The following RAB9A variants were observed in gnomAD, a reference collection of about 807,000 sequenced individuals.
RAB9A encodes the protein RAB9A, member RAS oncogene family, also known as ras-related protein Rab-9A.
Under a neutral mutation model 10.3 loss-of-function variants are expected in RAB9A, and 1 was observed. That is an observed-to-expected ratio of 0.10 (90% CI 0.03 to 0.46). RAB9A has a LOEUF of 0.46. Ranked by LOEUF, RAB9A falls within the 20% of genes least tolerant of loss-of-function variation. The probability of loss-of-function intolerance (pLI) is 0.96; values close to 1 mark genes in which losing one functional copy is unlikely to be tolerated. For synonymous variants in RAB9A, 39 were observed against 55.2 expected (o/e 0.71, Z 1.30); for missense variants, 92 against 150.3 (o/e 0.61, Z 2.03).
At chrX:13,704,451 T>C (rs1486434473) in intron 2 of RAB9A, among the ~76,000 whole-genome samples, 1 of 111,700 alleles carries the variant, frequency 9.0e-6, no homozygotes, top group East Asian at 2.8e-4. Context: ...ATACTGTACT[T>C]TAACATTTTA....
At chrX:13,699,613 C>T (rs768604130) in intron 1 of RAB9A, among the ~76,000 whole-genome samples, 50 of 112,246 alleles carry the variant, frequency 4.5e-4, no homozygotes, top group Non-Finnish European at 8.8e-4. Flanking sequence ...GTTGCTGGGG[C>T]GGTCCTGGCT....
intron 1 of RAB9A, among the ~76,000 whole-genome samples, chrX:13,694,250 C>G (rs1233494751): frequency 2.7e-5 from 3 of 111,562 alleles, no homozygotes; most frequent in Non-Finnish European, 5.6e-5. Context: ...AGTGTTTATG[C>G]AGCTAGGTGA....
At chrX:13,705,667 G>A (rs191366994) in intron 2 of RAB9A, among the ~76,000 whole-genome samples, 58 of 112,085 alleles carry the variant, frequency 5.2e-4, no homozygotes, top group African/African-American at 1.7e-3. Context: ...TGGTAAGGCT[G>A]TTAGATCAGT....
chrX:13,704,474 A>G (rs991318926), intron 2 of RAB9A, among the ~76,000 whole-genome samples: 2 of 111,791 alleles, frequency 1.8e-5, no homozygotes, highest in African/African-American at 6.5e-5. Flanking sequence ...TCTTCATTTT[A>G]CTCTTAAAAT....
chrX:13,708,906 C>T lies in RAB9A; in HGVS notation c.160C>T (p.His54Tyr), dbSNP rs772597973. 5 of 1,211,084 alleles carry T rather than the reference C, an allele frequency of 4.1e-6. No homozygotes were observed. The highest frequency in any genetic ancestry group is 2.2e-5 in the Admixed American group (1 of 45,997). The part of the protein sequence containing the change: ...FLNKDLEVDG[H>Y]FVTMQIWDTA... ...AAATAAAGATTTGGAAGTGGATGGA[C>T]ATTTTGTTACCATGCAGATTTGGGA... The change falls in exon 3 of 3, where the codon CAT becomes TAT. Residue 54 changes from histidine (H) to tyrosine (Y), a missense_variant. Coordinates refer to ENST00000464506, the MANE Select transcript of RAB9A (RefSeq NM_004251.5).
chrX:13,701,425 A>G (rs999253382), intron 1 of RAB9A, among the ~76,000 whole-genome samples: 14 of 111,743 alleles, frequency 1.3e-4, no homozygotes, highest in Non-Finnish European at 2.4e-4. Flanking sequence ...TCATTAATTG[A>G]TGGACATTGT....
At chrX:13,705,508 A>G (rs755883702) in intron 2 of RAB9A, among the ~76,000 whole-genome samples, 35 of 111,849 alleles carry the variant, frequency 3.1e-4, no homozygotes, top group African/African-American at 1.1e-3. Flanking sequence ...AAAAATTACA[A>G]ATTACCACTT....
intron 1 of RAB9A, among the ~76,000 whole-genome samples, chrX:13,699,921 T>A (rs2046165616): frequency 8.9e-6 from 1 of 112,426 alleles, no homozygotes; most frequent in Admixed American, 9.4e-5. Flanking sequence ...AAAAAAAGTC[T>A]AACTTCAGTC....
At chrX:13,705,855 G>A (rs1215782028) in intron 2 of RAB9A, among the ~76,000 whole-genome samples, 1 of 111,552 alleles carries the variant, frequency 9.0e-6, no homozygotes, top group Non-Finnish European at 1.9e-5. Context: ...CCAGCAAGGA[G>A]CAGCATATGC....
chrX:13,698,310 A>G (rs1407823331), intron 1 of RAB9A, among the ~76,000 whole-genome samples: 3 of 106,715 alleles, frequency 2.8e-5, no homozygotes, highest in Admixed American at 2.1e-4. Flanking sequence ...AAATGTTAAC[A>G]TATTTCTTAA....
chrX:13,708,464 A>G lies in RAB9A; in HGVS notation c.-26-257A>G, dbSNP rs7058961. 9.0e-3 allele frequency among the ~76,000 whole-genome samples: 1,000 copies of G among 111,626 alleles called. 11 individuals are homozygous for G. Among genetic ancestry groups the G allele is most frequent in the African/African-American group, 0.03 (930 of 30,731 alleles). Reference sequence around the variant, plus strand: ...GGTTCAGAGCAAGGGCTTTGGGGTCAGACTTGGGCTTGAGTGCCAGCTTCA... The same window carrying G: ...GGTTCAGAGCAAGGGCTTTGGGGTCGGACTTGGGCTTGAGTGCCAGCTTCA... On this transcript the variant is annotated intron_variant, in intron 2 of 2. Transcript: ENST00000464506.
At chrX:13,692,255 A>G (rs2046129063) in intron 1 of RAB9A, among the ~76,000 whole-genome samples, 1 of 111,854 alleles carries the variant, frequency 8.9e-6, no homozygotes, top group Non-Finnish European at 1.9e-5. Flanking sequence ...GGCTGCAGTG[A>G]GTCATGATCA....
At chrX:13,693,228 G>C (rs888781326) in intron 1 of RAB9A, among the ~76,000 whole-genome samples, 1 of 112,372 alleles carries the variant, frequency 8.9e-6, no homozygotes, top group African/African-American at 3.2e-5. Context: ...GTGTGTGTTT[G>C]GGCAACGCAT....
At chrX:13,708,439 G>A (rs947498041) in intron 2 of RAB9A, among the ~76,000 whole-genome samples, 5 of 111,417 alleles carry the variant, frequency 4.5e-5, no homozygotes, top group Non-Finnish European at 7.5e-5. Context: ...ATAGAGTAAC[G>A]GTTCAGAGCA....
rs1241955921 is a variant in RAB9A at position 13,709,898 on chromosome X, A to G, written c.*546A>G. On this transcript the variant is annotated 3_prime_UTR_variant, in exon 3 of 3. Transcript: ENST00000464506. Reference sequence around the variant, plus strand: ...TCCTGTTTTCATTCTACATACTAGAATTACTCTCACTAGTAATTACTCATC... The same window carrying G: ...TCCTGTTTTCATTCTACATACTAGAGTTACTCTCACTAGTAATTACTCATC... 1 of 123,760 alleles carries G rather than the reference A, an allele frequency of 8.1e-6. No individual in the cohort carries two copies. The highest frequency in any genetic ancestry group is 1.9e-5 in the Non-Finnish European group (1 of 53,541). 10.2% of individuals were successfully genotyped at this position (123,760 alleles called of 1,213,427 possible). A position where few individuals can be genotyped will look rare whatever the true frequency, so the allele number is the denominator to read the frequency against.
At chrX:13,707,878 A>G (rs1372119682) in intron 2 of RAB9A, among the ~76,000 whole-genome samples, 2 of 112,481 alleles carry the variant, frequency 1.8e-5, no homozygotes, top group African/African-American at 6.5e-5. Context: ...TTTCACAGCC[A>G]GGTAAGTCAG....
chrX:13,703,810 A>G lies in RAB9A; in HGVS notation c.-115-4A>G, dbSNP rs1353744266. ...GAAGACTTCTTCATGTATTCATTTC[A>G]CAGACACTCTTGCACTCCTGTAATG... On this transcript the variant is annotated splice_region_variant and splice_polypyrimidine_tract_variant and intron_variant, in intron 1 of 2. Transcript: ENST00000464506. 5.3e-5 allele frequency: 6 copies of G among 112,253 alleles called. No homozygotes were observed. Among genetic ancestry groups the G allele is most frequent in the Non-Finnish European group, 7.5e-5 (4 of 53,279 alleles). The allele number at this position is 112,253 out of a possible 1,213,427, so 9.3% of individuals were successfully genotyped here. A position where few individuals can be genotyped will look rare whatever the true frequency, so the allele number is the denominator to read the frequency against.
chrX:13,706,403 G>GT (rs1348967963), intron 2 of RAB9A, among the ~76,000 whole-genome samples: 1 of 111,109 alleles, frequency 9.0e-6, no homozygotes, highest in Non-Finnish European at 1.9e-5. Context: ...AATTTGTTTT[G>GT]TTTTTTGAGA....
chrX:13,692,629 A>G (rs1312044892), intron 1 of RAB9A, among the ~76,000 whole-genome samples: 1 of 111,803 alleles, frequency 8.9e-6, no homozygotes, highest in Non-Finnish European at 1.9e-5. Flanking sequence ...TCTCTTTTTC[A>G]TGCCTGTCTA....
Sources: gnomAD v4.1 joint callset for allele counts (sites outside exome capture counted in the v4.1 genomes callset) on GRCh38, gnomAD v4.1.1 for gene constraint, MANE v1.5 for transcripts, NCBI Gene and HGNC (gene_info 2026-07-23, HGNC 2026-07-21) for gene names.